The following ATF6 variants were observed in gnomAD, a reference collection of about 807,000 sequenced individuals.
ATF6 encodes activating transcription factor 6, also known as cyclic AMP-dependent transcription factor ATF-6 alpha.
Under a neutral mutation model 83.6 loss-of-function variants are expected in ATF6, and 53 were observed. The ratio of observed to expected loss-of-function variants is 0.63; its 90% confidence interval spans 0.51 to 0.80. The LOEUF is 0.80. Ranked by LOEUF, ATF6 falls within the 30% of genes least tolerant of loss-of-function variation. The pLI, the probability that ATF6 is intolerant of heterozygous loss-of-function variation, is 0.00. For synonymous variants in ATF6, 288 were observed against 285.8 expected, an observed-to-expected ratio of 1.01 and a Z score of -0.08; for missense variants, 744 against 797.9, an observed-to-expected ratio of 0.93 and a Z score of 0.81.
chr1:161,846,165 A>C lies in ATF6; in HGVS notation c.1188-284A>C, dbSNP rs113581355. Among the ~76,000 whole-genome samples, 392 of 152,336 alleles carry C rather than the reference A, an allele frequency of 2.6e-3. 2 individuals are homozygous for C. Among genetic ancestry groups the C allele is most frequent in the African/African-American group, 8.7e-3 (363 of 41,588 alleles). On this transcript the variant is annotated intron_variant, in intron 9 of 15. Transcript: ENST00000367942. ...GTATTTATTTCTACTTCATATATAC[A>C]TGTAATTATCAAGTTTTTAAAACAT...
At position 161,954,077 on chromosome 1, in the gene ATF6, A is replaced by G. The variant is rs774040342; in HGVS notation, c.1805-4369A>G. 2.6e-5 allele frequency among the ~76,000 whole-genome samples: 4 copies of G among 152,292 alleles called. No individual in the cohort carries two copies. In the East Asian group the frequency reaches 5.8e-4, roughly 22 times the overall value. On this transcript the variant is annotated intron_variant, in intron 15 of 15. Transcript: ENST00000367942. ...GAGGGGGTTTGTTTGTTTGCCAAGC[A>G]GAGGGAAAAAATACTAACAGAAATG...
intron 15 of ATF6, among the ~76,000 whole-genome samples, chr1:161,952,407 C>T (rs1192093728): frequency 6.6e-6 from 1 of 152,068 alleles, no homozygotes; most frequent in Non-Finnish European, 1.5e-5. Flanking sequence ...AAGCTACTCT[C>T]CCATCCCACC....
rs557437725 is a variant in ATF6, at chr1:161,829,249, G to A, written c.1187+8088G>A. ...GAGTCTAGCTTTGTTGCCCAGGCTG[G>A]AGTGCAGTGGCGCGATCTCAGCTCA... On this transcript the variant is annotated intron_variant, in intron 9 of 15. Coordinates refer to ENST00000367942, the MANE Select transcript of ATF6 (RefSeq NM_007348.4). Among the ~76,000 whole-genome samples the A allele has an allele frequency of 1.4e-3, 197 of 142,114 alleles. 5 individuals carry two copies. In the South Asian group the frequency reaches 0.043, roughly 31 times the overall value. 93.2% of individuals were successfully genotyped at this position (142,114 alleles called of 152,430 possible).
At chr1:161,915,929 G>A (rs1041894580) in intron 15 of ATF6, among the ~76,000 whole-genome samples, 1 of 152,068 alleles carries the variant, frequency 6.6e-6, no homozygotes, top group African/African-American at 2.4e-5. Context: ...AGCCCAAAAT[G>A]TCTTAATATT....
At chr1:161,923,424 T>C (rs1688253881) in intron 15 of ATF6, among the ~76,000 whole-genome samples, 1 of 152,306 alleles carries the variant, frequency 6.6e-6, no homozygotes, top group Non-Finnish European at 1.5e-5. Flanking sequence ...CTTGAAGTCA[T>C]TAGTGTATCC....
intron 6 of ATF6, among the ~76,000 whole-genome samples, chr1:161,797,531 AAGCTG>A (rs1300774968): frequency 6.6e-6 from 1 of 152,222 alleles, no homozygotes; most frequent in Non-Finnish European, 1.5e-5. Flanking sequence ...AGTAATGTCC[AAGCTG>A]AGAGCCAAAT....
intron 15 of ATF6, among the ~76,000 whole-genome samples, chr1:161,954,851 T>C (rs1299832831): frequency 6.6e-6 from 1 of 152,212 alleles, no homozygotes; most frequent in Admixed American, 6.5e-5. Flanking sequence ...AGTTCAGTGT[T>C]CATCTCATTC....
chr1:161,791,479 CT>C lies in ATF6; in HGVS notation c.427del (p.Ser143LeufsTer6). 1 of 1,612,950 alleles carries C rather than the reference CT, an allele frequency of 6.2e-7. No individual in the cohort carries two copies. Among genetic ancestry groups the C allele is most frequent in the Non-Finnish European group, 8.5e-7 (1 of 1,179,608 alleles). ...TATATGGTGAAAACTCTAATAGTCT[CT>C]CTTCAGCGGAGCCACTGAAGGAAGA... ...SLYGENSNSL[S>X]SAEPLKEDKP... On this transcript the variant is annotated frameshift_variant, in exon 5 of 16. Transcript: ENST00000367942. LOFTEE classifies it high-confidence loss of function.
intron 1 of ATF6, among the ~76,000 whole-genome samples, chr1:161,775,417 G>A (rs1385986261): frequency 1.3e-5 from 2 of 151,838 alleles, no homozygotes; most frequent in African/African-American, 2.4e-5. Context: ...TTGCCAAATG[G>A]TAACTATCTA....
chr1:161,810,944 C>G (rs962714486), intron 7 of ATF6, among the ~76,000 whole-genome samples: 3 of 151,862 alleles, frequency 2.0e-5, no homozygotes, highest in African/African-American at 7.3e-5. Flanking sequence ...AGTGTTTATT[C>G]TTTTTTATGA....
chr1:161,864,822 A>C, intron 14 of ATF6, among the ~76,000 whole-genome samples: 1 of 152,246 alleles, frequency 6.6e-6, no homozygotes, highest in African/African-American at 2.4e-5. Flanking sequence ...GTACTGGTCT[A>C]TGAAAACAAA....
At chr1:161,805,121 T>A (rs1685247458) in intron 7 of ATF6, among the ~76,000 whole-genome samples, 1 of 152,194 alleles carries the variant, frequency 6.6e-6, no homozygotes, top group Non-Finnish European at 1.5e-5. Context: ...TCTCAATGTA[T>A]GAATGTCTAC....
intron 7 of ATF6, among the ~76,000 whole-genome samples, chr1:161,803,079 T>C (rs1454659543): frequency 1.3e-5 from 2 of 152,250 alleles, no homozygotes; most frequent in Non-Finnish European, 2.9e-5. Context: ...TGGATACTAC[T>C]AGTTGTTAAT....
chr1:161,827,857 T>G (rs1209594058), intron 9 of ATF6, among the ~76,000 whole-genome samples: 1 of 152,148 alleles, frequency 6.6e-6, no homozygotes, highest in Non-Finnish European at 1.5e-5. Context: ...CTAAATGGAC[T>G]TATAAGGGTT....
Position 161,853,311 on chromosome 1 carries a change from C to T in ATF6, c.1521C>T (p.Thr507=). Residue 507 remains threonine (T), a synonymous_variant, in exon 12 of 16, where the codon ACC becomes ACT. Coordinates refer to ENST00000367942, the MANE Select transcript of ATF6 (RefSeq NM_007348.4). ...SRRMTNNQQK[T]RILQGALEQG... ...GAATGACAAATAATCAACAGAAAAC[C>T]CGTATTCTTCAGGTATGTTTCTGTT... 1 of 1,611,360 alleles carries T rather than the reference C, an allele frequency of 6.2e-7. No homozygotes were observed. Among genetic ancestry groups the T allele is most frequent in the South Asian group, 1.1e-5 (1 of 90,928 alleles).
At chr1:161,858,094 A>G (rs1318097875) in intron 12 of ATF6, among the ~76,000 whole-genome samples, 4 of 152,180 alleles carry the variant, frequency 2.6e-5, no homozygotes, top group Non-Finnish European at 5.9e-5. Flanking sequence ...GCAACAAAGC[A>G]AGACCCTGTG....
chr1:161,924,977 G>T (rs531882398), intron 15 of ATF6, among the ~76,000 whole-genome samples: 64 of 152,340 alleles, frequency 4.2e-4, no homozygotes, highest in Admixed American at 1.1e-3. Flanking sequence ...TATAGAGACT[G>T]CCTGCTTTAA....
intron 9 of ATF6, among the ~76,000 whole-genome samples, chr1:161,832,531 C>A (rs112278906): frequency 6.8e-4 from 104 of 152,306 alleles, no homozygotes; most frequent in African/African-American, 2.5e-3. Flanking sequence ...ACAGACGGCA[C>A]CTGGAAAATC....
At chr1:161,816,633 A>G (rs2101778420) in intron 7 of ATF6, among the ~76,000 whole-genome samples, 1 of 152,328 alleles carries the variant, frequency 6.6e-6, no homozygotes, top group Non-Finnish European at 1.5e-5. Flanking sequence ...AATTTCAACA[A>G]GAGGAGATTA....
Sources: gnomAD v4.1 joint callset for allele counts (sites outside exome capture counted in the v4.1 genomes callset) on GRCh38, gnomAD v4.1.1 for gene constraint, MANE v1.5 for transcripts, NCBI Gene and HGNC (gene_info 2026-07-23, HGNC 2026-07-21) for gene names.